FAM184B: variants seen among roughly 807,000 people sequenced by gnomAD.
The protein encoded by FAM184B is protein FAM184B.
Under a neutral mutation model 135.9 loss-of-function variants are expected in FAM184B, and 111 were observed. The ratio of observed to expected loss-of-function variants is 0.82; its 90% CI spans 0.70 to 0.96. FAM184B has a LOEUF of 0.96. FAM184B is among the 40% of genes least tolerant of loss of function. FAM184B has a pLI of 0.00. For synonymous variants in FAM184B, 552 were observed against 524.8 expected (o/e 1.05, Z -0.71); for missense variants, 1,375 against 1,323.9 (o/e 1.04, Z -0.60).
intron 10 of FAM184B, among the ~76,000 whole-genome samples, chr4:17,654,461 G>T (rs1351994406): frequency 6.6e-6 from 1 of 152,174 alleles, no homozygotes; most frequent in Non-Finnish European, 1.5e-5. Context: ...GAGATTGCAG[G>T]CATGAGCCAC....
In FAM184B at chr4:17,659,951, G is replaced by T. The variant is rs1289653435; in HGVS notation, c.1824+7C>A. 1 of 1,550,480 alleles carries T rather than the reference G, an allele frequency of 6.4e-7. No individual in the cohort carries two copies. The highest frequency in any genetic ancestry group is 2.0e-5 in the Admixed American group (1 of 51,008). ...AAGGGGGCACATCCCCACCAGGGTT[G>T]TCCTACCTGGGCTTGCAATTTGGCC... On this transcript the variant is annotated splice_region_variant and intron_variant, in intron 9 of 17. Transcript: ENST00000265018.
intron 1 of FAM184B, among the ~76,000 whole-genome samples, chr4:17,742,591 C>T (rs1577285748): frequency 6.6e-6 from 1 of 152,194 alleles, no homozygotes; most frequent in African/African-American, 2.4e-5. Context: ...TAGAGCAACA[C>T]AGGCAGCTGA....
In FAM184B at chr4:17,709,732, C is replaced by T. The variant is rs562134683; in HGVS notation, c.142-88G>A. The T allele has an allele frequency of 8.5e-5, 105 of 1,235,730 alleles. 3 individuals carry two copies. The South Asian group carries it at 1.4e-3, about 17-fold the overall frequency. The allele number at this position is 1,235,730 out of a possible 1,614,324, so 76.5% of individuals were successfully genotyped here. A position where few individuals can be genotyped will look rare whatever the true frequency, so the allele number is the denominator to read the frequency against. ...GACAGAGCAATATTCTCCTGCATGG[C>T]GGTTGATCTGCACAAGTGGCACCTG... On this transcript the variant is annotated intron_variant, in intron 1 of 17. Coordinates refer to ENST00000265018, the MANE Select transcript of FAM184B (RefSeq NM_015688.2).
intron 1 of FAM184B, among the ~76,000 whole-genome samples, chr4:17,772,691 G>A (rs1718844463): frequency 1.3e-5 from 2 of 152,188 alleles, no homozygotes; most frequent in Admixed American, 6.5e-5. Context: ...ACCAAGGTGT[G>A]AGTCTGTTTT....
At chr4:17,669,274 TA>T (rs888045969) in intron 7 of FAM184B, among the ~76,000 whole-genome samples, 25 of 152,024 alleles carry the variant, frequency 1.6e-4, no homozygotes, top group African/African-American at 6.0e-4. Flanking sequence ...ATTTTGGGCA[TA>T]AAAAAAATCT....
chr4:17,634,723 A>G (rs1035138223), intron 16 of FAM184B, among the ~76,000 whole-genome samples: 1 of 152,246 alleles, frequency 6.6e-6, no homozygotes, highest in Non-Finnish European at 1.5e-5. Context: ...GTACAGAAAT[A>G]GTTAAGAAGT....
intron 1 of FAM184B, among the ~76,000 whole-genome samples, chr4:17,766,065 G>A (rs1560196601): frequency 2.6e-5 from 4 of 152,198 alleles, no homozygotes; most frequent in South Asian, 4.1e-4. Context: ...GGAAGTGCAG[G>A]CCCAAAGAGT....
At chr4:17,749,194 A>G (rs1240659949) in intron 1 of FAM184B, among the ~76,000 whole-genome samples, 2 of 151,994 alleles carry the variant, frequency 1.3e-5, no homozygotes, top group African/African-American at 2.4e-5. Flanking sequence ...GGCATTAAAG[A>G]TCCTCTGAAG....
intron 8 of FAM184B, among the ~76,000 whole-genome samples, chr4:17,660,323 CT>C (rs1291867134): frequency 4.7e-5 from 7 of 148,910 alleles, no homozygotes; most frequent in Admixed American, 4.6e-4. Context: ...CGCCTGATAG[CT>C]GTTTAGCAGG....
intron 6 of FAM184B, among the ~76,000 whole-genome samples, chr4:17,689,891 G>A (rs1460539749): frequency 3.3e-5 from 5 of 152,104 alleles, no homozygotes; most frequent in African/African-American, 1.2e-4. Flanking sequence ...GCTTATGCCT[G>A]TAATCCCAGA....
At chr4:17,644,064 G>A (rs1370910723) in intron 12 of FAM184B, among the ~76,000 whole-genome samples, 1 of 152,180 alleles carries the variant, frequency 6.6e-6, no homozygotes, top group African/African-American at 2.4e-5. Flanking sequence ...AGCATCTCAG[G>A]CAGGAGGAGT....
chr4:17,651,079 A>G (rs1319877231), intron 11 of FAM184B, among the ~76,000 whole-genome samples: 1 of 152,162 alleles, frequency 6.6e-6, no homozygotes, highest in East Asian at 1.9e-4. Context: ...TTTGGAAGAA[A>G]TACTTAATAA....
intron 10 of FAM184B, among the ~76,000 whole-genome samples, chr4:17,655,421 G>A (rs1481920419): frequency 1.3e-5 from 2 of 152,136 alleles, no homozygotes; most frequent in Non-Finnish European, 2.9e-5. Context: ...GGATCACACA[G>A]GGTGCAGCAC....
chr4:17,745,382 T>C (rs1402740020), intron 1 of FAM184B, among the ~76,000 whole-genome samples: 3 of 152,152 alleles, frequency 2.0e-5, no homozygotes, highest in Non-Finnish European at 2.9e-5. Context: ...CAACAAAGCT[T>C]GATTTCCCCC....
At chr4:17,672,923 T>A (rs546479433) in intron 7 of FAM184B, among the ~76,000 whole-genome samples, 4 of 152,280 alleles carry the variant, frequency 2.6e-5, no homozygotes, top group African/African-American at 7.2e-5. Flanking sequence ...TCCCTCTTCC[T>A]CTATCTTGCA....
intron 6 of FAM184B, among the ~76,000 whole-genome samples, chr4:17,690,755 G>A (rs937840131): frequency 1.3e-5 from 2 of 152,108 alleles, no homozygotes; most frequent in Non-Finnish European, 2.9e-5. Flanking sequence ...AAAGAGTCTA[G>A]GCAAGTCATT....
chr4:17,636,395 G>T (rs1487876008), intron 15 of FAM184B, 133 bp downstream of exon 15: 2 of 721,570 alleles, frequency 2.8e-6, no homozygotes, highest in South Asian at 1.6e-5. Flanking sequence ...GAGCCACCGC[G>T]CACGGCAAGA....
Position 17,708,945 on chromosome 4 carries a change from G to A in FAM184B, c.841C>T (p.Arg281Cys), listed in dbSNP as rs1221840532. ...TACTTCTTCAGGTCACTTATCTTGC[G>A]GCCTCTGTGCTCCAGGTCTCCTTCC... Reference protein sequence around the residue: ...KLEGDLEHRGRKISDLKKYAQ... With the variant: ...KLEGDLEHRGCKISDLKKYAQ... Residue 281 changes from arginine (R) to cysteine (C), a missense_variant, in exon 2 of 18, where the codon CGC (arginine) becomes TGC (cysteine). Transcript: ENST00000265018. 1.9e-6 allele frequency: 3 copies of A among 1,547,100 alleles called. No homozygotes were observed. Among genetic ancestry groups the A allele is most frequent in the East Asian group, 2.4e-5 (1 of 40,818 alleles).
rs1715033826 is a variant in FAM184B, at chr4:17,633,684, C to G, written c.3089+5G>C. 3.3e-6 allele frequency: 5 copies of G among 1,522,956 alleles called. No homozygotes were observed. The highest frequency in any genetic ancestry group is 4.4e-6 in the Non-Finnish European group (5 of 1,131,736). The allele number at this position is 1,522,956 out of a possible 1,614,324, so 94.3% of individuals were successfully genotyped here. ...AAGGGCCCCTGTCCCCAACATCCCC[C>G]AAACCTTGTGGCAGTTTTTGCATCT... On this transcript the variant is annotated splice_donor_5th_base_variant and intron_variant, in intron 17 of 17. Coordinates refer to ENST00000265018, the MANE Select transcript of FAM184B (RefSeq NM_015688.2).
Sources: allele counts gnomAD v4.1 joint callset (sites outside exome capture counted in the v4.1 genomes callset), GRCh38; gene constraint gnomAD v4.1.1; transcripts MANE v1.5; gene names NCBI Gene and HGNC (gene_info 2026-07-23, HGNC 2026-07-21).